The following PPP2R5A variants were observed in gnomAD, a reference collection of about 807,000 sequenced individuals.
PPP2R5A encodes the protein serine/threonine-protein phosphatase 2A 56 kDa regulatory subunit alpha isoform.
PPP2R5A carries 25 observed loss-of-function variants against 64.2 expected under a neutral mutation model. That is an observed-to-expected ratio of 0.39 (90% CI 0.28 to 0.54). The LOEUF is 0.54. Among genes scored for constraint, PPP2R5A ranks in the 20% least tolerant of loss-of-function variants. PPP2R5A has a pLI of 0.67. For missense variants in PPP2R5A, 425 were observed against 576.3 expected (o/e 0.74, Z 2.69); for synonymous variants, 198 against 201.2 (o/e 0.98, Z 0.13).
At chr1:212,351,966 CTTTTTTA>C (rs370896257) in intron 8 of PPP2R5A, among the ~76,000 whole-genome samples, 4 of 141,484 alleles carry the variant, frequency 2.8e-5, no homozygotes, top group Non-Finnish European at 6.4e-5. Flanking sequence ...TTTTATTTTT[CTTTTTTA>C]TTTTATTTTA....
intron 1 of PPP2R5A, among the ~76,000 whole-genome samples, chr1:212,321,432 G>A (rs1432921526): frequency 4.0e-5 from 6 of 151,782 alleles, no homozygotes; most frequent in Admixed American, 1.3e-4. Flanking sequence ...CTTCCCAGAC[G>A]GAGTGGCTGC....
intron 1 of PPP2R5A, among the ~76,000 whole-genome samples, chr1:212,307,552 C>T (rs1257102940): frequency 6.6e-6 from 1 of 152,128 alleles, no homozygotes; most frequent in Non-Finnish European, 1.5e-5. Context: ...AAATACATTA[C>T]ATTTCTATGT....
intron 1 of PPP2R5A, among the ~76,000 whole-genome samples, chr1:212,297,096 C>CTTTTTTTTTTTTTTTTTTTTTTT (rs869112186): frequency 4.8e-5 from 4 of 82,668 alleles, no homozygotes; most frequent in Admixed American, 3.2e-4. Flanking sequence ...TTTGCTTCTT[C>CTTTTTTTTTTTTTTTTTTTTTTT]TTTTTTTTTT....
intron 12 of PPP2R5A, among the ~76,000 whole-genome samples, chr1:212,359,676 A>C (rs1199070292): frequency 6.6e-6 from 1 of 152,170 alleles, no homozygotes; most frequent in Non-Finnish European, 1.5e-5. Context: ...ATCTATTTTG[A>C]CAAGTTCCTA....
chr1:212,331,455 C>T (rs750761036), intron 2 of PPP2R5A: 2 of 151,802 alleles, frequency 1.3e-5, no homozygotes, highest in Non-Finnish European at 2.9e-5. Flanking sequence ...ATGCATGGGC[C>T]ACCATGTCCA....
rs1558157925 is a variant in PPP2R5A, at chr1:212,360,801, C to CA, written c.*32dup. On this transcript the variant is annotated 3_prime_UTR_variant, in exon 13 of 13. Transcript: ENST00000261461. ...AAGCCTCCCACCTCTGCCGGATAGG[C>CA]AGAGTTTTGTATGCTTTTTTGAAAT... 6.7e-7 allele frequency: 1 copy of CA among 1,493,866 alleles called. No homozygotes were observed. 92.5% of individuals were successfully genotyped at this position (1,493,866 alleles called of 1,614,324 possible).
chr1:212,360,394 T>C (rs1660058496), intron 12 of PPP2R5A, among the ~76,000 whole-genome samples: 1 of 152,240 alleles, frequency 6.6e-6, no homozygotes, highest in Non-Finnish European at 1.5e-5. Context: ...ATGGTAGTGA[T>C]AATGTGTAGG....
At chr1:212,292,082 G>A (rs764341910) in intron 1 of PPP2R5A, among the ~76,000 whole-genome samples, 7 of 152,130 alleles carry the variant, frequency 4.6e-5, no homozygotes, top group South Asian at 2.1e-4. Context: ...ACTTTACTGC[G>A]TTTTTGGTCA....
chr1:212,289,436 A>T (rs34515259), intron 1 of PPP2R5A, among the ~76,000 whole-genome samples: 19,806 of 152,220 alleles, frequency 0.13, 1,603 homozygotes, highest in Middle Eastern at 0.22. Flanking sequence ...AGGCCTAAAA[A>T]GAATAGTTTC....
intron 8 of PPP2R5A, among the ~76,000 whole-genome samples, chr1:212,354,243 C>T (rs1558155697): frequency 6.6e-6 from 1 of 152,198 alleles, no homozygotes; most frequent in East Asian, 1.9e-4. Context: ...CCCAGACAGG[C>T]GTGGTGGCTC....
At chr1:212,289,530 GT>G (rs2102408959) in intron 1 of PPP2R5A, among the ~76,000 whole-genome samples, 1 of 151,762 alleles carries the variant, frequency 6.6e-6, no homozygotes, top group East Asian at 2.1e-4. Flanking sequence ...GCTGTTAACT[GT>G]TTTATGTAAA....
intron 7 of PPP2R5A, 94 bp from the exon 8 acceptor site, chr1:212,349,095 A>G (rs1372286372): frequency 1.4e-6 from 1 of 709,898 alleles, no homozygotes; most frequent in Non-Finnish European, 2.1e-6. Context: ...ATTTATCAAA[A>G]TGAGGTAGTC....
chr1:212,314,234 G>C (rs1659101198), intron 1 of PPP2R5A, among the ~76,000 whole-genome samples: 1 of 152,056 alleles, frequency 6.6e-6, no homozygotes, highest in Non-Finnish European at 1.5e-5. Context: ...CCAGACATAA[G>C]AGTTATTTAG....
chr1:212,298,938 A>C (rs1351022787), intron 1 of PPP2R5A, among the ~76,000 whole-genome samples: 3 of 10,270 alleles, frequency 2.9e-4, no homozygotes, highest in Admixed American at 7.1e-4. Context: ...TGACCCCCCC[A>C]CCTCCCTCCT....
At chr1:212,325,930 C>G (rs1316076115) in intron 1 of PPP2R5A, among the ~76,000 whole-genome samples, 1 of 152,056 alleles carries the variant, frequency 6.6e-6, no homozygotes, top group Admixed American at 6.5e-5. Context: ...AAATTATTAG[C>G]AGACATCATT....
chr1:212,336,460 C>T (rs1659595727), intron 3 of PPP2R5A, among the ~76,000 whole-genome samples: 1 of 152,064 alleles, frequency 6.6e-6, no homozygotes, highest in African/African-American at 2.4e-5. Context: ...GACAAATTCC[C>T]AGAGATAAAA....
At chr1:212,349,714 A>G (rs1659843710) in intron 8 of PPP2R5A, among the ~76,000 whole-genome samples, 1 of 152,222 alleles carries the variant, frequency 6.6e-6, no homozygotes, top group African/African-American at 2.4e-5. Context: ...ATTAAGATAT[A>G]AGATGTAATC....
intron 4 of PPP2R5A, 53 bp downstream of exon 4, chr1:212,342,333 A>G: frequency 1.9e-6 from 3 of 1,567,314 alleles, no homozygotes; most frequent in Non-Finnish European, 2.6e-6. Context: ...GCAATGATTT[A>G]TTAACTTATT....
At chr1:212,359,119 A>G (rs1660036322) in intron 12 of PPP2R5A, among the ~76,000 whole-genome samples, 1 of 152,222 alleles carries the variant, frequency 6.6e-6, no homozygotes, top group South Asian at 2.1e-4. Flanking sequence ...AGATTTCCTC[A>G]GTCTGTTAGC....
Sources: gnomAD v4.1 joint callset for allele counts (sites outside exome capture counted in the v4.1 genomes callset) on GRCh38, gnomAD v4.1.1 for gene constraint, MANE v1.5 for transcripts, NCBI Gene and HGNC (gene_info 2026-07-23, HGNC 2026-07-21) for gene names.